The following VAV2 variants were observed in gnomAD, a reference collection of about 807,000 sequenced individuals.
VAV2 encodes the protein guanine nucleotide exchange factor VAV2.
VAV2 carries 67 observed loss-of-function variants against 132.5 expected under a neutral mutation model. The observed-to-expected ratio is 0.51, with a 90% CI of 0.42 to 0.62. The LOEUF is 0.62. VAV2 is among the 20% of genes least tolerant of loss of function. VAV2 has a pLI of 0.00. For missense variants in VAV2, 938 were observed against 1,153.6 expected (o/e 0.81, Z 2.71); for synonymous variants, 492 against 443.5 (o/e 1.11, Z -1.37).
At chr9:133,777,485 T>C in intron 22 of VAV2, 22 bp from the exon 23 acceptor site, 1 of 1,612,500 alleles carries the variant, frequency 6.2e-7, no homozygotes, top group Non-Finnish European at 8.5e-7. Context: ...AAGAGATGGT[T>C]AGGACAAGGG....
chr9:133,918,271 G>A lies in VAV2; in HGVS notation c.321+20832C>T, dbSNP rs1054343078. Among the ~76,000 whole-genome samples the A allele has an allele frequency of 1.3e-4, 20 of 152,250 alleles. No homozygotes were observed. The highest frequency in any genetic ancestry group is 4.1e-4 in the South Asian group (2 of 4,824). On this transcript the variant is annotated intron_variant, in intron 2 of 29. Coordinates refer to ENST00000371850, the MANE Select transcript of VAV2 (RefSeq NM_001134398.2). The surrounding 1 kb of genome is among the most constrained non-coding windows in gnomAD (Gnocchi z 4.7). ...AGAAACTATTTTTAAACAAAGGAGC[G>A]CACTCTCTGCGGCGGCAGAAAAGCG...
chr9:133,839,030 G>A (rs186821511), intron 3 of VAV2, among the ~76,000 whole-genome samples: 40 of 151,698 alleles, frequency 2.6e-4, no homozygotes, highest in Non-Finnish European at 4.3e-4. Context: ...GTAGGTGGGT[G>A]GATGGATGAA....
At chr9:133,800,294 T>G (rs1834880668) in intron 9 of VAV2, among the ~76,000 whole-genome samples, 1 of 152,202 alleles carries the variant, frequency 6.6e-6, no homozygotes, top group East Asian at 1.9e-4. Flanking sequence ...GCCCCTGACC[T>G]GGCCTGAGGA....
At chr9:133,968,054 G>C (rs1842206010) in intron 1 of VAV2, among the ~76,000 whole-genome samples, 1 of 152,094 alleles carries the variant, frequency 6.6e-6, no homozygotes, top group African/African-American at 2.4e-5. Flanking sequence ...AGACTGGGTG[G>C]GGCGACAGGA....
chr9:133,849,736 T>C (rs1344646080), intron 3 of VAV2, among the ~76,000 whole-genome samples: 1 of 152,190 alleles, frequency 6.6e-6, no homozygotes, highest in Non-Finnish European at 1.5e-5. Context: ...ATGTGTTTCC[T>C]GGCTTATGGC....
chr9:133,957,120 G>A (rs995259276), intron 1 of VAV2, among the ~76,000 whole-genome samples: 2 of 152,142 alleles, frequency 1.3e-5, no homozygotes, highest in Non-Finnish European at 1.5e-5. Flanking sequence ...GTGCTCTCCC[G>A]GTTAGGATGA....
At chr9:133,922,549 T>G (rs1175999594) in intron 2 of VAV2, among the ~76,000 whole-genome samples, 2 of 152,166 alleles carry the variant, frequency 1.3e-5, no homozygotes, top group East Asian at 1.9e-4. Flanking sequence ...TGTCCTCAGG[T>G]ACGTGGCTGA....
chr9:133,779,954 A>G lies in VAV2; in HGVS notation c.1741-15T>C, dbSNP rs1349622284. 6.2e-7 allele frequency: 1 copy of G among 1,612,336 alleles called. No individual in the cohort carries two copies. The highest frequency in any genetic ancestry group is 8.5e-7 in the Non-Finnish European group (1 of 1,179,670). On this transcript the variant is annotated splice_polypyrimidine_tract_variant and intron_variant, in intron 20 of 29. Transcript: ENST00000371850. ...CCGGAGGCGTCCTGTGAGGACAAGG[A>G]CAGAACACAGAGATGAGGGAAGGCT...
At chr9:133,795,096 T>C (rs2131632413) in intron 12 of VAV2, among the ~76,000 whole-genome samples, 1 of 152,258 alleles carries the variant, frequency 6.6e-6, no homozygotes, top group African/African-American at 2.4e-5. Context: ...GGGGCAAGTA[T>C]CCTGCAGAAG....
rs536234473 is a variant in VAV2 at position 133,981,141 on chromosome 9, C to G, written c.204+10934G>C. ...CGGGGTGAGGCCCCTTCTTCAGCGTCCCGTGTTGCCAGCAGGTTTTCCTCA... is the reference window on the plus strand; with the variant it reads ...CGGGGTGAGGCCCCTTCTTCAGCGTGCCGTGTTGCCAGCAGGTTTTCCTCA... On this transcript the variant is annotated intron_variant, in intron 1 of 29. Transcript: ENST00000371850. Among the ~76,000 whole-genome samples, 34 of 152,274 alleles carry G rather than the reference C, an allele frequency of 2.2e-4. No homozygotes were observed. The South Asian group carries it at 6.8e-3, about 31-fold the overall frequency.
intron 2 of VAV2, among the ~76,000 whole-genome samples, chr9:133,871,467 CGGATGGATGGAT>C (rs149156422): frequency 0.015 from 2,074 of 141,046 alleles, 51 homozygotes; most frequent in African/African-American, 0.048. Flanking sequence ...GATGGAGAAG[CGGATGGATGGAT>C]GGATGGATGG....
chr9:133,813,904 G>A (rs561750909), intron 4 of VAV2, among the ~76,000 whole-genome samples: 8 of 152,352 alleles, frequency 5.3e-5, no homozygotes, highest in South Asian at 2.1e-4. Context: ...AATCCTTGGC[G>A]GTAACAGCAC....
intron 3 of VAV2, among the ~76,000 whole-genome samples, chr9:133,854,225 G>A (rs926736678): frequency 6.7e-6 from 1 of 148,612 alleles, no homozygotes; most frequent in Non-Finnish European, 1.5e-5. Flanking sequence ...ACACACCCAT[G>A]TGCACCTGCA....
intron 17 of VAV2, among the ~76,000 whole-genome samples, chr9:133,785,159 C>A (rs1834167970): frequency 6.6e-6 from 1 of 152,122 alleles, no homozygotes; most frequent in Non-Finnish European, 1.5e-5. Context: ...AGAACACAGG[C>A]CTTCCCCTCT....
intron 3 of VAV2, among the ~76,000 whole-genome samples, chr9:133,841,643 C>G (rs2131811248): frequency 6.6e-6 from 1 of 152,266 alleles, no homozygotes; most frequent in East Asian, 1.9e-4. Flanking sequence ...CAGAACAGAC[C>G]CCAGCACCTC....
chr9:133,969,660 T>A lies in VAV2; in HGVS notation c.204+22415A>T, dbSNP rs960741269. On this transcript the variant is annotated intron_variant, in intron 1 of 29. Transcript: ENST00000371850. The surrounding 1 kb of genome is among the most constrained non-coding windows in gnomAD (Gnocchi z 5.1). ...AGATGAGCCCCACTGTCCATCGCAC[T>A]GCTCAAGCCTGACCCCAGAGCACCC... 6.6e-6 allele frequency among the ~76,000 whole-genome samples: 1 copy of A among 152,110 alleles called. No individual in the cohort carries two copies. Among genetic ancestry groups the A allele is most frequent in the Non-Finnish European group, 1.5e-5 (1 of 68,000 alleles).
In VAV2 at chr9:133,884,303, C is replaced by T. The variant is rs188933527; in HGVS notation, c.322-22871G>A. 5.3e-3 allele frequency among the ~76,000 whole-genome samples: 806 copies of T among 152,356 alleles called. 8 individuals carry two copies. The highest frequency in any genetic ancestry group is 0.019 in the African/African-American group (770 of 41,578). On this transcript the variant is annotated intron_variant, in intron 2 of 29. Coordinates refer to ENST00000371850, the MANE Select transcript of VAV2 (RefSeq NM_001134398.2). This position sits in a 1 kb window ranked among gnomAD's most constrained non-coding sequence, Gnocchi z 5.3. ...TGAACATGTGATCATTACCCACCAC[C>T]ACCACGCGTCCTGCCTCCCAGCTGG...
chr9:133,911,149 C>T (rs773220352), intron 2 of VAV2, among the ~76,000 whole-genome samples: 5 of 152,174 alleles, frequency 3.3e-5, no homozygotes, highest in Non-Finnish European at 5.9e-5. Flanking sequence ...AATGTATTCA[C>T]GCGTGCACTG....
chr9:133,788,359 T>C lies in VAV2; in HGVS notation c.1402A>G (p.Lys468Glu). The change falls in exon 15 of 30, where the codon AAG becomes GAG. Residue 468 changes from lysine (K) to glutamate (E), a missense_variant. Transcript: ENST00000371850. This position sits in a 1 kb window ranked among gnomAD's most constrained non-coding sequence, Gnocchi z 5.3. ...TDDPMNNKDV[K>E]KSHGKMWSYG... Reference sequence around the variant, plus strand: ...GGGGACCCGGAAGGCCCCACCTTCTTGACGTCCTTGTTGTTCATGGGGTCG... The same window carrying C: ...GGGGACCCGGAAGGCCCCACCTTCTCGACGTCCTTGTTGTTCATGGGGTCG... The C allele has an allele frequency of 6.2e-7, 1 of 1,605,426 alleles. No individual in the cohort carries two copies. Among genetic ancestry groups the C allele is most frequent in the South Asian group, 1.1e-5 (1 of 90,910 alleles).
Sources: gnomAD v4.1 joint callset for allele counts (sites outside exome capture counted in the v4.1 genomes callset) on GRCh38, gnomAD v4.1.1 for gene constraint, Gnocchi (gnomAD v3.1) non-coding constraint, MANE v1.5 for transcripts, NCBI Gene and HGNC (gene_info 2026-07-23, HGNC 2026-07-21) for gene names.